Variants in C4orf54 observed in about 807,000 individuals in gnomAD.
C4orf54 encodes chromosome 4 open reading frame 54.
C4orf54 carries 67 observed loss-of-function variants against 80.1 expected under a neutral mutation model. The ratio of observed to expected loss-of-function variants is 0.84; its 90% CI spans 0.69 to 1.03. The LOEUF (loss-of-function observed/expected upper bound fraction) is 1.03, where lower values mean the gene tolerates loss of function less well. Ranked by LOEUF, C4orf54 falls within the 50% of genes least tolerant of loss-of-function variation. C4orf54 has a pLI of 0.00. For synonymous variants in C4orf54, 1,000 were observed against 917.0 expected, an observed-to-expected ratio of 1.09 and a Z score of -1.64; for missense variants, 2,434 against 2,253.5, an observed-to-expected ratio of 1.08 and a Z score of -1.62.
Position 99,652,613 on chromosome 4 carries a change from C to G in C4orf54, c.2036G>C (p.Ser679Thr). 1 of 1,536,060 alleles carries G rather than the reference C, an allele frequency of 6.5e-7. No homozygotes were observed. Among genetic ancestry groups the G allele is most frequent in the African/African-American group, 1.4e-5 (1 of 73,150 alleles). ...CGGVGARVEQSLLRSSAASVA... is the reference protein window; with the variant it reads ...CGGVGARVEQTLLRSSAASVA... The stretch of plus-strand genomic sequence containing the variant: ...AGAGGCCGCGCTGCTCCTGAGGAGG[C>G]TCTGCTCCACCCTGGCCCCAACACC... Residue 679 changes from serine to threonine, a missense_variant, in exon 2 of 3, where the codon AGC (serine) becomes ACC (threonine). Transcript: ENST00000511828.
rs1345589837 is a variant in C4orf54, at chr4:99,651,115, G to T, written c.3534C>A (p.Gly1178=). 4 of 1,536,068 alleles carry T rather than the reference G, an allele frequency of 2.6e-6. No homozygotes were observed. The highest frequency in any genetic ancestry group is 3.5e-6 in the Non-Finnish European group (4 of 1,146,888). The change falls in exon 2 of 3, where the codon GGC becomes GGA. Residue 1178 remains glycine (G), a synonymous_variant. Transcript: ENST00000511828. ...REPRESMGKG[G]GSRVLNSSSP... ...AGGAAGAATTCAAGACTCTGCTGCC[G>T]CCCCCTTTGCCCATGCTTTCCCTGG...
chr4:99,655,619 C>T (rs1726967140), intron 1 of C4orf54, among the ~76,000 whole-genome samples: 2 of 152,208 alleles, frequency 1.3e-5, no homozygotes, highest in Non-Finnish European at 2.9e-5. Context: ...TTCACTGGCT[C>T]TGAGGTACCT....
At position 99,638,633 on chromosome 4, in the gene C4orf54, CT is replaced by C. The variant is rs1397538337; in HGVS notation, c.*2599del. The C allele has an allele frequency of 6.6e-6, 1 of 152,122 alleles. No homozygotes were observed. The highest frequency in any genetic ancestry group is 1.5e-5 in the Non-Finnish European group (1 of 67,978). The allele number at this position is 152,122 out of a possible 1,614,324, so 9.4% of individuals were successfully genotyped here. A position where few individuals can be genotyped will look rare whatever the true frequency, so the allele number is the denominator to read the frequency against. On this transcript the variant is annotated 3_prime_UTR_variant, in exon 3 of 3. Transcript: ENST00000511828. Reference sequence around the variant, plus strand: ...TATGGGTCAGAAGGCTTCATAGGCTCTTGTTTGATTCCCCTTGAGCTATAAA... The same window carrying C: ...TATGGGTCAGAAGGCTTCATAGGCTCTGTTTGATTCCCCTTGAGCTATAAA...
At chr4:99,648,042 CTTTTTTTTTCTTT>C (rs901169744) in intron 2 of C4orf54, among the ~76,000 whole-genome samples, 3 of 135,880 alleles carry the variant, frequency 2.2e-5, no homozygotes, top group African/African-American at 8.5e-5. Context: ...CTTTCCATCT[CTTTTTTTTTCTTT>C]TTTTTTTTTG....
chr4:99,647,547 T>C (rs938864225), intron 2 of C4orf54, among the ~76,000 whole-genome samples: 6 of 152,188 alleles, frequency 3.9e-5, no homozygotes, highest in African/African-American at 1.4e-4. Context: ...TCTGTTATCA[T>C]CACACAGTGT....
rs1332699347 is a variant in C4orf54 at position 99,649,699 on chromosome 4, G to A, written c.4950C>T (p.Ser1650=). ...TGQYVDVPMT[S]QQQAVAPMSI... is the part of the protein sequence containing the mutation. ...ACATGGGAGCCACAGCCTGCTGCTG[G>A]GAGGTCATGGGCACATCCACATACT... is the stretch of plus-strand genomic sequence containing the variant. The change falls in exon 2 of 3, where the codon TCC becomes TCT. Residue 1650 remains serine (S), a synonymous_variant. Coordinates refer to ENST00000511828, the MANE Select transcript of C4orf54 (RefSeq NM_001354435.2). 25 of 1,536,056 alleles carry A rather than the reference G, an allele frequency of 1.6e-5. No homozygotes were observed. In the Admixed American group the frequency reaches 4.9e-4, roughly 30 times the overall value.
At chr4:99,642,657 C>T (rs1265187399) in intron 2 of C4orf54, among the ~76,000 whole-genome samples, 4 of 152,316 alleles carry the variant, frequency 2.6e-5, no homozygotes, top group African/African-American at 7.2e-5. Flanking sequence ...ATATAGCTAA[C>T]CTGTTAGAGG....
intron 1 of C4orf54, among the ~76,000 whole-genome samples, chr4:99,656,262 A>G (rs1004464256): frequency 5.9e-5 from 9 of 151,884 alleles, no homozygotes; most frequent in African/African-American, 1.9e-4. Context: ...ATAGAGAGCC[A>G]TGTTTTTTTT....
chr4:99,641,861 A>C (rs1354975916), intron 2 of C4orf54, among the ~76,000 whole-genome samples: 1 of 152,154 alleles, frequency 6.6e-6, no homozygotes, highest in Non-Finnish European at 1.5e-5. Flanking sequence ...ATATTTGAAC[A>C]TAATATTATG....
chr4:99,650,581 T>A lies in C4orf54; in HGVS notation c.4068A>T (p.Ala1356=). ...NPSAESVSAR[A]AAFENLARER... is the part of the protein sequence containing the mutation. The stretch of plus-strand genomic sequence containing the variant: ...CCCTGGCCAGGTTCTCAAAGGCCGC[T>A]GCCCTGGCAGACACACTCTCAGCGC... The change falls in exon 2 of 3, where the codon GCA becomes GCT. Residue 1356 remains alanine (A), a synonymous_variant. Transcript: ENST00000511828. The A allele has an allele frequency of 6.5e-7, 1 of 1,536,064 alleles. No individual in the cohort carries two copies. The highest frequency in any genetic ancestry group is 8.7e-7 in the Non-Finnish European group (1 of 1,146,898).
chr4:99,644,571 G>C (rs1290411479), intron 2 of C4orf54, among the ~76,000 whole-genome samples: 1 of 152,020 alleles, frequency 6.6e-6, no homozygotes, highest in Non-Finnish European at 1.5e-5. Flanking sequence ...AAAATAAAAC[G>C]TCTAGGTTAT....
chr4:99,653,633 C>A lies in C4orf54; in HGVS notation c.1016G>T (p.Gly339Val). The A allele has an allele frequency of 6.5e-7, 1 of 1,534,288 alleles. No individual in the cohort carries two copies. Among genetic ancestry groups the A allele is most frequent in the Non-Finnish European group, 8.7e-7 (1 of 1,145,808 alleles). Residue 339 changes from glycine to valine, a missense_variant, in exon 2 of 3, where the codon GGG (glycine) becomes GTG (valine). Coordinates refer to ENST00000511828, the MANE Select transcript of C4orf54 (RefSeq NM_001354435.2). ...GGGGKGGGGG[G>V]AGDGTECRDI... ...CCTGCACTCTGTTCCATCTCCTGCC[C>A]CTCCTCCCCCTCCTCCTTTTCCTCC...
At position 99,650,891 on chromosome 4, in the gene C4orf54, G is replaced by A. The variant is rs1377115017; in HGVS notation, c.3758C>T (p.Ala1253Val). 6.5e-7 allele frequency: 1 copy of A among 1,536,140 alleles called. No homozygotes were observed. Among genetic ancestry groups the A allele is most frequent in the Non-Finnish European group, 8.7e-7 (1 of 1,146,920 alleles). ...EGKATKPARN[A>V]LEKLTAAVRS... ...CACGGCTGCAGTCAGCTTCTCCAGG[G>A]CATTCCGGGCTGGCTTCGTGGCTTT... The change falls in exon 2 of 3, where the codon GCC (alanine) becomes GTC (valine). Residue 1253 changes from alanine to valine, a missense_variant. Physicochemically the swap from Ala to Val is moderately conservative, Grantham distance 64 (BLOSUM62 0). Coordinates refer to ENST00000511828, the MANE Select transcript of C4orf54 (RefSeq NM_001354435.2).
In C4orf54 at chr4:99,651,413, T is replaced by C; in HGVS notation, c.3236A>G (p.Asp1079Gly). 6.5e-7 allele frequency: 1 copy of C among 1,536,266 alleles called. No individual in the cohort carries two copies. The highest frequency in any genetic ancestry group is 8.7e-7 in the Non-Finnish European group (1 of 1,146,924). Residue 1079 changes from aspartate (D) to glycine (G), a missense_variant, in exon 2 of 3, where the codon GAC (aspartate) becomes GGC (glycine). Transcript: ENST00000511828. The stretch of plus-strand genomic sequence containing the variant: ...GAAATGGGGCACTTTTTCTAGGTTG[T>C]CCCCGCGGAAGAGTTTCTGCTGTGC... ...SRAQQKLFRGDNLEKVPHFQV... is the reference protein window; with the variant it reads ...SRAQQKLFRGGNLEKVPHFQV...
chr4:99,649,345 C>G lies in C4orf54; in HGVS notation c.5304G>C (p.Ser1768=). The change falls in exon 2 of 3, where the codon TCG becomes TCC. Residue 1768 remains serine, a synonymous_variant. Coordinates refer to ENST00000511828, the MANE Select transcript of C4orf54 (RefSeq NM_001354435.2). ...CAATGATCCGTGGCCCCAGGGGCTG[C>G]GAAGTAATGCTGATGACAGGCTTGC... is the stretch of plus-strand genomic sequence containing the variant. ...LHGKPVISIT[S]QPLGPRIIAP... 1 of 1,535,990 alleles carries G rather than the reference C, an allele frequency of 6.5e-7. No individual in the cohort carries two copies. Among genetic ancestry groups the G allele is most frequent in the East Asian group, 2.4e-5 (1 of 40,900 alleles).
rs1461984043 is a variant in C4orf54, at chr4:99,650,653, C to G, written c.3996G>C (p.Leu1332=). The part of the protein sequence containing the change: ...RGTGNKAGVV[L]RGAPIERLQR... ...GCAGACGTTCTATGGGGGCCCCTCG[C>G]AGGACCACACCAGCTTTGTTTCCTG... The change falls in exon 2 of 3, where the codon CTG becomes CTC. Residue 1332 remains leucine (L), a synonymous_variant. Coordinates refer to ENST00000511828, the MANE Select transcript of C4orf54 (RefSeq NM_001354435.2). The G allele has an allele frequency of 1.3e-6, 2 of 1,535,984 alleles. No individual in the cohort carries two copies. The highest frequency in any genetic ancestry group is 2.4e-5 in the East Asian group (1 of 40,912).
chr4:99,653,600 A>C lies in C4orf54; in HGVS notation c.1049T>G (p.Ile350Ser). Residue 350 changes from isoleucine (I) to serine (S), a missense_variant, in exon 2 of 3, where the codon ATT becomes AGT. By Grantham distance (142) the Ile-to-Ser change is moderately radical. Coordinates refer to ENST00000511828, the MANE Select transcript of C4orf54 (RefSeq NM_001354435.2). ...AGDGTECRDI[I>S]AKSQGSRDPP... ...GTCCCTGCTGCCCTGGGACTTGGCAATAATGTCCCTGCACTCTGTTCCATC... is the reference window on the plus strand; with the variant it reads ...GTCCCTGCTGCCCTGGGACTTGGCACTAATGTCCCTGCACTCTGTTCCATC... 3 of 1,535,770 alleles carry C rather than the reference A, an allele frequency of 2.0e-6. No homozygotes were observed. The highest frequency in any genetic ancestry group is 2.6e-6 in the Non-Finnish European group (3 of 1,146,840).
rs1332734707 is a variant in C4orf54 at position 99,640,782 on chromosome 4, A to C, written c.*451T>G. 2 of 152,186 alleles carry C rather than the reference A, an allele frequency of 1.3e-5. No individual in the cohort carries two copies. The highest frequency in any genetic ancestry group is 3.8e-4 in the East Asian group (2 of 5,198). 9.4% of individuals were successfully genotyped at this position (152,186 alleles called of 1,614,324 possible). On this transcript the variant is annotated 3_prime_UTR_variant, in exon 3 of 3. Coordinates refer to ENST00000511828, the MANE Select transcript of C4orf54 (RefSeq NM_001354435.2). ...CAGCTAGTCTTGATATATTCCAAGA[A>C]ACTATAAGGAGATTCGTGATCCAAA...
chr4:99,648,554 A>AGTGTGTGTGTGTGTGTGTGTGTGTGT (rs60651888), intron 2 of C4orf54, among the ~76,000 whole-genome samples: 10 of 145,740 alleles, frequency 6.9e-5, no homozygotes, highest in Admixed American at 2.1e-4. Context: ...TAGAGAACAA[A>AGTGTGTGTGTGTGTGTGTGTGTGTGT]GTGTGTGTGT....
Sources: gnomAD v4.1 joint callset for allele counts (sites outside exome capture counted in the v4.1 genomes callset) on GRCh38, gnomAD v4.1.1 for gene constraint, MANE v1.5 for transcripts, NCBI Gene and HGNC (gene_info 2026-07-23, HGNC 2026-07-21) for gene names.